FAM107B: variants seen among roughly 807,000 people sequenced by gnomAD.
FAM107B encodes family with sequence similarity 107 member B, also known as protein FAM107B.
In FAM107B, 21 loss-of-function variants were observed where a neutral mutation model predicts 31.5. The ratio of observed to expected loss-of-function variants is 0.67; its 90% confidence interval spans 0.47 to 0.96. The LOEUF (loss-of-function observed/expected upper bound fraction) is 0.96, where lower values mean the gene tolerates loss of function less well. Ranked by LOEUF, FAM107B falls within the 40% of genes least tolerant of loss-of-function variation. The probability of loss-of-function intolerance (pLI) is 0.00; values close to 1 mark genes in which losing one functional copy is unlikely to be tolerated. For synonymous variants in FAM107B, 157 were observed against 141.5 expected, an observed-to-expected ratio of 1.11 and a Z score of -0.78; for missense variants, 452 against 377.1, an observed-to-expected ratio of 1.20 and a Z score of -1.64.
chr10:14,735,913 C>G (rs1856289497), intron 1 of FAM107B, among the ~76,000 whole-genome samples: 2 of 151,984 alleles, frequency 1.3e-5, no homozygotes, highest in Admixed American at 6.6e-5. Flanking sequence ...TAAAATGTCC[C>G]AAAGGGCTAT....
intron 1 of FAM107B, among the ~76,000 whole-genome samples, chr10:14,725,821 C>CTTTT (rs759788163): frequency 0.17 from 15,732 of 93,770 alleles, 1,128 homozygotes; most frequent in Non-Finnish European, 0.21. Flanking sequence ...CAGTCAAATC[C>CTTTT]TTTTTTTTTT....
At chr10:14,611,016 T>C (rs1852710870) in intron 2 of FAM107B, among the ~76,000 whole-genome samples, 1 of 152,226 alleles carries the variant, frequency 6.6e-6, no homozygotes, top group South Asian at 2.1e-4. Context: ...AACTTGTAAC[T>C]GCACATCGCG....
chr10:14,740,552 C>G (rs1459038701), intron 1 of FAM107B, among the ~76,000 whole-genome samples: 1 of 152,114 alleles, frequency 6.6e-6, no homozygotes, highest in Non-Finnish European at 1.5e-5. Flanking sequence ...TTTTTTAAAA[C>G]CCATATAACT....
chr10:14,734,099 A>G (rs540899605), intron 1 of FAM107B, among the ~76,000 whole-genome samples: 8 of 152,134 alleles, frequency 5.3e-5, no homozygotes, highest in East Asian at 1.9e-4. Flanking sequence ...TTTAAAAAAA[A>G]ATATATACAA....
chr10:14,662,544 T>G (rs1468317341), intron 2 of FAM107B, among the ~76,000 whole-genome samples: 1 of 152,148 alleles, frequency 6.6e-6, no homozygotes, highest in Non-Finnish European at 1.5e-5. Context: ...GCCCAGCTAA[T>G]TTTTTAATTT....
At chr10:14,712,054 G>A (rs1334335961) in intron 1 of FAM107B, among the ~76,000 whole-genome samples, 1 of 152,168 alleles carries the variant, frequency 6.6e-6, no homozygotes, top group Non-Finnish European at 1.5e-5. Flanking sequence ...TCTTGCCAAA[G>A]AGCAAGAAAT....
chr10:14,723,859 A>G, intron 1 of FAM107B: 1 of 755,098 alleles, frequency 1.3e-6, no homozygotes, highest in South Asian at 1.3e-5. Flanking sequence ...TTCAATGGCA[A>G]CAACGGCATG....
At position 14,572,736 on chromosome 10, in the gene FAM107B, A is replaced by ATTATATATATATATATATATATATATAT. The variant is rs1455058375; in HGVS notation, c.470-42222_470-42221insATATATATATATATATATATATATATAA. 7.9e-4 allele frequency among the ~76,000 whole-genome samples: 68 copies of ATTATATATATATATATATATATATATAT among 86,456 alleles called. 1 individual carries two copies. Among genetic ancestry groups the ATTATATATATATATATATATATATATAT allele is most frequent in the African/African-American group, 2.6e-3 (64 of 24,872 alleles). 56.7% of individuals were successfully genotyped at this position (86,456 alleles called of 152,430 possible). On this transcript the variant is annotated intron_variant, in intron 2 of 4. Coordinates refer to ENST00000181796, the MANE Select transcript of FAM107B (RefSeq NM_031453.4). ...CCCCATCTCTTCAAAAAAAAAAAAA[A>ATTATATATATATATATATATATATATAT]ATTTATATATATATATATATATATT...
intron 3 of FAM107B, among the ~76,000 whole-genome samples, chr10:14,528,533 G>GA (rs1377196978): frequency 6.6e-6 from 1 of 152,112 alleles, no homozygotes. Context: ...TATAGATGAA[G>GA]AAACAGATCT....
intron 2 of FAM107B, among the ~76,000 whole-genome samples, chr10:14,601,413 G>A (rs1852393222): frequency 6.6e-6 from 1 of 152,110 alleles, no homozygotes; most frequent in Admixed American, 6.6e-5. Context: ...AAAGGAAAAG[G>A]GGAGAAAAAT....
At chr10:14,671,078 C>T (rs11259252) in intron 1 of FAM107B, among the ~76,000 whole-genome samples, 50,852 of 151,890 alleles carry the variant, frequency 0.33, 9,341 homozygotes, top group East Asian at 0.48. Context: ...CATCTCATCC[C>T]ATCTCATCCC....
chr10:14,604,391 G>C (rs2131381267), intron 2 of FAM107B: 2 of 292,082 alleles, frequency 6.8e-6, no homozygotes, highest in Non-Finnish European at 5.0e-6. Flanking sequence ...GTCCGGCGCA[G>C]GGCGGCTCTC....
At chr10:14,674,186 C>G (rs777844248) in intron 1 of FAM107B, among the ~76,000 whole-genome samples, 7 of 152,130 alleles carry the variant, frequency 4.6e-5, no homozygotes, top group Non-Finnish European at 7.3e-5. Flanking sequence ...GCACATTGGT[C>G]TAGGCAAAGG....
At chr10:14,587,020 A>C (rs1851866284) in intron 2 of FAM107B, among the ~76,000 whole-genome samples, 1 of 152,242 alleles carries the variant, frequency 6.6e-6, no homozygotes, top group Admixed American at 6.5e-5. Flanking sequence ...GAGTGTAAAC[A>C]ATCACGTATG....
rs538265616 is a variant in FAM107B, at chr10:14,734,923, C to T, written c.411+39330G>A. 5.0e-4 allele frequency among the ~76,000 whole-genome samples: 76 copies of T among 152,264 alleles called. 1 individual carries two copies. In the South Asian group the frequency reaches 0.016, roughly 31 times the overall value. On this transcript the variant is annotated intron_variant, in intron 1 of 4. Transcript: ENST00000181796. The stretch of plus-strand genomic sequence containing the variant: ...CCTGAAGAAAACAAATTGATATACG[C>T]AATCTCCTCCCCTGGCACATAGAGG...
rs71505033 is a variant in FAM107B at position 14,628,112 on chromosome 10, G to GTTTTTTTTTTTTTTTTTTTTTTTTTT, written c.469+39521_469+39522insAAAAAAAAAAAAAAAAAAAAAAAAAA. ...TCCTTGTTTGTTTTTTGTTTTGCTG[G>GTTTTTTTTTTTTTTTTTTTTTTTTTT]TTTTTTTTTTTTTTTTTTTTTGAGA... is the stretch of plus-strand genomic sequence containing the variant. On this transcript the variant is annotated intron_variant, in intron 2 of 4. Transcript: ENST00000181796. Among the ~76,000 whole-genome samples the GTTTTTTTTTTTTTTTTTTTTTTTTTT allele has an allele frequency of 6.0e-4, 56 of 92,682 alleles. 3 individuals carry two copies. Among genetic ancestry groups the GTTTTTTTTTTTTTTTTTTTTTTTTTT allele is most frequent in the Non-Finnish European group, 8.3e-4 (39 of 47,170 alleles). 60.8% of individuals were successfully genotyped at this position (92,682 alleles called of 152,430 possible).
intron 2 of FAM107B, 105 bp downstream of exon 2, chr10:14,667,529 G>C: frequency 9.0e-7 from 1 of 1,116,006 alleles, no homozygotes. Flanking sequence ...CCAATCATTT[G>C]GAACATACAG....
chr10:14,538,807 G>A (rs190313001), intron 2 of FAM107B, among the ~76,000 whole-genome samples: 141 of 152,312 alleles, frequency 9.3e-4, no homozygotes, highest in African/African-American at 3.2e-3. Flanking sequence ...TCCATGGGAA[G>A]TTATACAGCA....
At chr10:14,582,070 C>T (rs1445581423) in intron 2 of FAM107B, among the ~76,000 whole-genome samples, 1 of 152,146 alleles carries the variant, frequency 6.6e-6, no homozygotes, top group Non-Finnish European at 1.5e-5. Context: ...AGTTGACACT[C>T]CCAGTTATGG....
Sources: allele counts gnomAD v4.1 joint callset (sites outside exome capture counted in the v4.1 genomes callset), GRCh38; gene constraint gnomAD v4.1.1; transcripts MANE v1.5; gene names NCBI Gene and HGNC (gene_info 2026-07-23, HGNC 2026-07-21).